MAGI3: variants seen among roughly 807,000 people sequenced by gnomAD.
MAGI3 encodes the protein membrane-associated guanylate kinase, WW and PDZ domain-containing protein 3.
MAGI3 carries 43 observed loss-of-function variants against 121.8 expected under a neutral mutation model. The observed-to-expected ratio is 0.35, with a 90% CI of 0.28 to 0.46. The LOEUF (loss-of-function observed/expected upper bound fraction) is 0.46. Among genes scored for constraint, MAGI3 ranks in the 20% least tolerant of loss-of-function variants. MAGI3 has a pLI of 1.00. For missense variants in MAGI3, 1,547 were observed against 1,797.3 expected (o/e 0.86, Z 2.52); for synonymous variants, 553 against 639.3 (o/e 0.86, Z 2.04).
chr1:113,529,465 T>C (rs1236045206), intron 1 of MAGI3, among the ~76,000 whole-genome samples: 8 of 152,158 alleles, frequency 5.3e-5, no homozygotes, highest in Non-Finnish European at 8.8e-5. Flanking sequence ...TTGGACGCTG[T>C]TCCCATTGAT....
intron 1 of MAGI3, among the ~76,000 whole-genome samples, chr1:113,510,160 A>G (rs1019942704): frequency 1.7e-4 from 26 of 152,220 alleles, no homozygotes; most frequent in Non-Finnish European, 4.4e-5. Context: ...TGCATAAAAA[A>G]TGCAATTTTT....
At chr1:113,525,900 G>A (rs1658426250) in intron 1 of MAGI3, among the ~76,000 whole-genome samples, 1 of 152,062 alleles carries the variant, frequency 6.6e-6, no homozygotes, top group Admixed American at 6.5e-5. Flanking sequence ...TACTCAGGAG[G>A]CTGAGGCAGG....
At chr1:113,558,590 T>C (rs937164333) in intron 2 of MAGI3, among the ~76,000 whole-genome samples, 8 of 149,550 alleles carry the variant, frequency 5.3e-5, no homozygotes, top group African/African-American at 2.0e-4. Flanking sequence ...CTGACTGGGG[T>C]ACCTGAAAAT....
intron 1 of MAGI3, among the ~76,000 whole-genome samples, chr1:113,540,227 A>G (rs981646219): frequency 6.6e-6 from 1 of 152,228 alleles, no homozygotes; most frequent in Non-Finnish European, 1.5e-5. Flanking sequence ...ATTATTTAAA[A>G]TGTCATTTTT....
intron 1 of MAGI3, among the ~76,000 whole-genome samples, chr1:113,514,264 C>T (rs1472148028): frequency 6.6e-6 from 1 of 151,940 alleles, no homozygotes; most frequent in Non-Finnish European, 1.5e-5. Flanking sequence ...ACCCAGCCAT[C>T]CCATTACTGG....
At chr1:113,397,988 G>A (rs1477422457) in intron 1 of MAGI3, among the ~76,000 whole-genome samples, 1 of 152,114 alleles carries the variant, frequency 6.6e-6, no homozygotes, top group African/African-American at 2.4e-5. Flanking sequence ...CAGCCGACTG[G>A]CTTCCAGTGA....
intron 6 of MAGI3, among the ~76,000 whole-genome samples, chr1:113,607,602 T>C (rs1450134067): frequency 1.3e-5 from 2 of 152,202 alleles, no homozygotes; most frequent in Admixed American, 1.3e-4. Flanking sequence ...GGTAAAATCA[T>C]GATAATTGCT....
At chr1:113,575,136 G>A (rs1647544772) in intron 2 of MAGI3, among the ~76,000 whole-genome samples, 1 of 152,098 alleles carries the variant, frequency 6.6e-6, no homozygotes. Context: ...TTAGAAGATG[G>A]TCCTTTAGCT....
intron 6 of MAGI3, among the ~76,000 whole-genome samples, chr1:113,603,334 T>C (rs1384292231): frequency 6.9e-6 from 1 of 144,562 alleles, no homozygotes; most frequent in Non-Finnish European, 1.5e-5. Flanking sequence ...TGAGATTGAA[T>C]CAGTAATTTA....
At chr1:113,405,503 GAC>G (rs1651631575) in intron 1 of MAGI3, among the ~76,000 whole-genome samples, 1 of 77,598 alleles carries the variant, frequency 1.3e-5, no homozygotes, top group Non-Finnish European at 2.6e-5. Flanking sequence ...AAAAAAAAAA[GAC>G]TGAAGGCTGT....
At chr1:113,542,888 C>T (rs1659355122) in intron 1 of MAGI3, among the ~76,000 whole-genome samples, 1 of 152,150 alleles carries the variant, frequency 6.6e-6, no homozygotes, top group South Asian at 2.1e-4. Context: ...GTTCACATCC[C>T]AGGTCTGTCA....
intron 20 of MAGI3, chr1:113,682,145 TTG>T: frequency 6.5e-7 from 1 of 1,535,614 alleles, no homozygotes; most frequent in Non-Finnish European, 8.8e-7. Flanking sequence ...AGTGACATCT[TTG>T]CTAACTGCAC....
Position 113,672,600 on chromosome 1 carries a change from T to G in MAGI3, c.2919-15T>G. 6.2e-7 allele frequency: 1 copy of G among 1,605,274 alleles called. No homozygotes were observed. Among genetic ancestry groups the G allele is most frequent in the Non-Finnish European group, 8.5e-7 (1 of 1,177,042 alleles). ...TTCTCAGTTCAGAGAGTGACTTGAT[T>G]TCTCTCTCTTGTAGAAGTGCCCTAG... On this transcript the variant is annotated splice_polypyrimidine_tract_variant and intron_variant, in intron 17 of 20. Transcript: ENST00000307546.
chr1:113,633,238 A>ATTTTTTTTTTTTTTTT lies in MAGI3; in HGVS notation c.1361-8647_1361-8632dup, dbSNP rs71090716. On this transcript the variant is annotated intron_variant, in intron 9 of 20. Transcript: ENST00000307546. The stretch of plus-strand genomic sequence containing the variant: ...TCCCTACAAAGGACATGAACTCATC[A>ATTTTTTTTTTTTTTTT]TTTTTTTTTTTTTTTTTTTTTTTTT... Among the ~76,000 whole-genome samples, 4 of 56,642 alleles carry ATTTTTTTTTTTTTTTT rather than the reference A, an allele frequency of 7.1e-5. 2 individuals are homozygous for ATTTTTTTTTTTTTTTT. The highest frequency in any genetic ancestry group is 1.3e-4 in the African/African-American group (2 of 14,932). 37.2% of individuals were successfully genotyped at this position (56,642 alleles called of 152,430 possible).
intron 1 of MAGI3, among the ~76,000 whole-genome samples, chr1:113,486,157 G>A (rs1201645865): frequency 6.6e-6 from 1 of 152,046 alleles, no homozygotes; most frequent in African/African-American, 2.4e-5. Context: ...GCTCTTTTTT[G>A]GTTCCATATG....
chr1:113,626,706 C>A (rs187994838), intron 9 of MAGI3, among the ~76,000 whole-genome samples: 1 of 152,170 alleles, frequency 6.6e-6, no homozygotes, highest in African/African-American at 2.4e-5. Flanking sequence ...GGAATTTATC[C>A]ATTTCTTCTA....
At chr1:113,526,461 A>G (rs948150710) in intron 1 of MAGI3, among the ~76,000 whole-genome samples, 1 of 152,138 alleles carries the variant, frequency 6.6e-6, no homozygotes, top group Non-Finnish European at 1.5e-5. Flanking sequence ...CCCAAGCTCT[A>G]CGTATGAGAG....
chr1:113,673,362 G>C lies in MAGI3; in HGVS notation c.3086G>C (p.Arg1029Pro). ...CCAGTAGAGCTGGAGAGAGGCCCCC[G>C]GGGCTTTGGATTCAGCCTCCGAGGG... ...CYPVELERGPRGFGFSLRGGK... is the reference protein window; with the variant it reads ...CYPVELERGPPGFGFSLRGGK... Residue 1029 changes from arginine to proline, a missense_variant, in exon 19 of 21, where the codon CGG becomes CCG. By Grantham distance (103) the Arg-to-Pro change is moderately radical (BLOSUM62 -2). Transcript: ENST00000307546. 3.7e-6 allele frequency: 6 copies of C among 1,611,526 alleles called. No individual in the cohort carries two copies. The highest frequency in any genetic ancestry group is 4.2e-6 in the Non-Finnish European group (5 of 1,179,544).
At chr1:113,681,561 C>A (rs1220777999) in intron 20 of MAGI3, among the ~76,000 whole-genome samples, 1 of 152,068 alleles carries the variant, frequency 6.6e-6, no homozygotes, top group African/African-American at 2.4e-5. Context: ...TAAATTTAAT[C>A]AGAAAAAACA....
Sources: gnomAD v4.1 joint callset for allele counts (sites outside exome capture counted in the v4.1 genomes callset) on GRCh38, gnomAD v4.1.1 for gene constraint, MANE v1.5 for transcripts, NCBI Gene and HGNC (gene_info 2026-07-23, HGNC 2026-07-21) for gene names.